KDM4C: variants seen among roughly 807,000 people sequenced by gnomAD.
The protein encoded by KDM4C is lysine demethylase 4C.
Under a neutral mutation model 129.3 loss-of-function variants are expected in KDM4C, and 81 were observed. The ratio of observed to expected loss-of-function variants is 0.63; its 90% CI spans 0.52 to 0.75. The LOEUF is 0.75. KDM4C is among the 30% of genes least tolerant of loss of function. The probability of loss-of-function intolerance (pLI) is 0.00; values close to 1 mark genes in which losing one functional copy is unlikely to be tolerated. For missense variants in KDM4C, 1,457 were observed against 1,304.0 expected (o/e 1.12, Z -1.81); for synonymous variants, 573 against 456.1 (o/e 1.26, Z -3.26).
chr9:7,021,404 C>G (rs932412380), intron 15 of KDM4C, among the ~76,000 whole-genome samples: 1 of 152,106 alleles, frequency 6.6e-6, no homozygotes, highest in African/African-American at 2.4e-5. Flanking sequence ...GTCGGCCTCC[C>G]AAAGTGCTGG....
At chr9:7,097,240 G>A (rs556754326) in intron 17 of KDM4C, among the ~76,000 whole-genome samples, 6 of 152,314 alleles carry the variant, frequency 3.9e-5, no homozygotes, top group Admixed American at 2.0e-4. Flanking sequence ...CTCAGCCAGC[G>A]TGCAGCATGT....
At position 6,735,333 on chromosome 9, in the gene KDM4C, T is replaced by G. The variant is rs116279058; in HGVS notation, c.49+14336T>G. Among the ~76,000 whole-genome samples the G allele has an allele frequency of 9.5e-3, 1,449 of 152,356 alleles. 22 individuals carry two copies. Among genetic ancestry groups the G allele is most frequent in the African/African-American group, 0.033 (1,379 of 41,584 alleles). On this transcript the variant is annotated intron_variant, in intron 1 of 17. Coordinates refer to the KDM4C transcript ENST00000536108. Reference sequence around the variant, plus strand: ...GTATTGCTATCAGTATTAAACTGCCTGAATCTAAAAAGGGCTTGTTGTTTC... The same window carrying G: ...GTATTGCTATCAGTATTAAACTGCCGGAATCTAAAAAGGGCTTGTTGTTTC...
At chr9:6,828,169 A>G (rs1286094194) in intron 4 of KDM4C, among the ~76,000 whole-genome samples, 2 of 151,512 alleles carry the variant, frequency 1.3e-5, no homozygotes, top group Non-Finnish European at 2.9e-5. Flanking sequence ...TTTTTTTGAG[A>G]CGGAGCCTCG....
At position 6,990,543 on chromosome 9, in the gene KDM4C, T is replaced by G; in HGVS notation, c.1786+19T>G. On this transcript the variant is annotated intron_variant, in intron 12 of 21. Transcript: ENST00000381309. ...GATGAAGGTGAGATGGTGACCCTTT[T>G]TGGGATTTTTTTTTTTTTTTTTGGT... 1 of 1,450,008 alleles carries G rather than the reference T, an allele frequency of 6.9e-7. No individual in the cohort carries two copies. 89.8% of individuals were successfully genotyped at this position (1,450,008 alleles called of 1,614,324 possible). A position where few individuals can be genotyped will look rare whatever the true frequency, so the allele number is the denominator to read the frequency against.
chr9:6,745,699 C>T (rs998193036), intron 1 of KDM4C, among the ~76,000 whole-genome samples: 4 of 151,636 alleles, frequency 2.6e-5, no homozygotes, highest in African/African-American at 9.7e-5. Context: ...GGTGCAGTGG[C>T]GTGATCTTGG....
chr9:6,748,509 GAA>G (rs371679611), intron 1 of KDM4C, among the ~76,000 whole-genome samples: 5 of 117,858 alleles, frequency 4.2e-5, no homozygotes, highest in Admixed American at 2.5e-4. Flanking sequence ...CTCCGTCTCA[GAA>G]AAAAAAAAAA....
At chr9:7,018,292 A>G (rs182427278) in intron 15 of KDM4C, among the ~76,000 whole-genome samples, 4 of 152,344 alleles carry the variant, frequency 2.6e-5, no homozygotes, top group Non-Finnish European at 4.4e-5. Flanking sequence ...TAACAGCCTT[A>G]CAATCTTATG....
intron 19 of KDM4C, among the ~76,000 whole-genome samples, chr9:7,144,784 A>G (rs963278014): frequency 1.3e-5 from 2 of 152,242 alleles, no homozygotes; most frequent in African/African-American, 4.8e-5. Flanking sequence ...CACAGCCTCC[A>G]CACTGTAAGA....
At chr9:7,098,492 C>T (rs879669003) in intron 17 of KDM4C, among the ~76,000 whole-genome samples, 1 of 152,202 alleles carries the variant, frequency 6.6e-6, no homozygotes, top group South Asian at 2.1e-4. Flanking sequence ...GGAAGAGAGA[C>T]AGAGGACTTA....
At chr9:6,948,556 A>G (rs1827410480) in intron 8 of KDM4C, among the ~76,000 whole-genome samples, 1 of 145,564 alleles carries the variant, frequency 6.9e-6, no homozygotes, top group Admixed American at 7.0e-5. Context: ...GGGTCATAGG[A>G]CAATAGTGGA....
intron 1 of KDM4C, among the ~76,000 whole-genome samples, chr9:6,792,611 A>T (rs1036595911): frequency 6.6e-6 from 1 of 151,994 alleles, no homozygotes; most frequent in African/African-American, 2.4e-5. Context: ...CTGGTCTCGA[A>T]CTCCTGACCT....
intron 1 of KDM4C, among the ~76,000 whole-genome samples, chr9:6,736,682 CA>C (rs1817536984): frequency 6.6e-6 from 1 of 152,088 alleles, no homozygotes; most frequent in South Asian, 2.1e-4. Context: ...TAAAAAACCC[CA>C]AAGGCTCTGT....
rs749606368 is a variant in KDM4C, at chr9:6,984,267, T to G, written c.1217T>G (p.Val406Gly). 6 of 1,613,874 alleles carry G rather than the reference T, an allele frequency of 3.7e-6. No homozygotes were observed. In the East Asian group the frequency reaches 1.1e-4, roughly 30 times the overall value. Residue 406 changes from valine to glycine, a missense_variant, in exon 10 of 22, where the codon GTC (valine) becomes GGC (glycine). Val to Gly is a moderately radical substitution (Grantham distance 109). Coordinates refer to ENST00000381309, the MANE Select transcript of KDM4C (RefSeq NM_015061.6). The stretch of plus-strand genomic sequence containing the variant: ...GCAGAGGTCCCTAACCCCGACTCAG[T>G]CACAGATGACCTCAAGGTCAGTGAA... ...DGAEVPNPDSVTDDLKVSEKS... is the reference protein window; with the variant it reads ...DGAEVPNPDSGTDDLKVSEKS...
At chr9:6,887,170 A>G (rs1845438204) in intron 6 of KDM4C, among the ~76,000 whole-genome samples, 1 of 151,908 alleles carries the variant, frequency 6.6e-6, no homozygotes, top group Admixed American at 6.6e-5. Flanking sequence ...CTTCCCTCTG[A>G]GTGAGGAAGG....
intron 19 of KDM4C, among the ~76,000 whole-genome samples, chr9:7,143,711 A>G (rs1453424136): frequency 1.3e-5 from 2 of 152,238 alleles, no homozygotes; most frequent in Non-Finnish European, 2.9e-5. Context: ...CAACAACACA[A>G]GAATCATTTG....
intron 8 of KDM4C, among the ~76,000 whole-genome samples, chr9:6,967,269 C>G (rs1407454368): frequency 6.6e-6 from 1 of 151,736 alleles, no homozygotes; most frequent in African/African-American, 2.4e-5. Context: ...ATTAAAAATA[C>G]AAATATTAGC....
At chr9:6,785,172 C>T (rs1412610620) in intron 1 of KDM4C, among the ~76,000 whole-genome samples, 4 of 152,144 alleles carry the variant, frequency 2.6e-5, no homozygotes, top group South Asian at 2.1e-4. Flanking sequence ...TTGGCAGGAC[C>T]GTGTTTTCTC....
In KDM4C at chr9:6,758,178, T is replaced by C. The variant is rs1818630163; in HGVS notation, c.-43T>C. 2 of 985,934 alleles carry C rather than the reference T, an allele frequency of 2.0e-6. No homozygotes were observed. Among genetic ancestry groups the C allele is most frequent in the Non-Finnish European group, 2.4e-6 (2 of 830,488 alleles). The allele number at this position is 985,934 out of a possible 1,614,324, so 61.1% of individuals were successfully genotyped here. A position where few individuals can be genotyped will look rare whatever the true frequency, so the allele number is the denominator to read the frequency against. Reference sequence around the variant, plus strand: ...CTTCTCTTCCTCCTCCACCGAGTCGTGCTCTCGCCCCAACCCGCGCGCCAG... The same window carrying C: ...CTTCTCTTCCTCCTCCACCGAGTCGCGCTCTCGCCCCAACCCGCGCGCCAG... On this transcript the variant is annotated 5_prime_UTR_variant, in exon 1 of 22. Transcript: ENST00000381309. This position sits in a 1 kb window ranked among gnomAD's most constrained non-coding sequence, Gnocchi z 4.6.
intron 8 of KDM4C, among the ~76,000 whole-genome samples, chr9:6,901,537 G>C (rs1213264091): frequency 6.6e-6 from 1 of 152,160 alleles, no homozygotes; most frequent in Non-Finnish European, 1.5e-5. Flanking sequence ...CAGGAAGCGA[G>C]ACAGTGTGAG....
Sources: gnomAD v4.1 joint callset for allele counts (sites outside exome capture counted in the v4.1 genomes callset) on GRCh38, gnomAD v4.1.1 for gene constraint, Gnocchi (gnomAD v3.1) non-coding constraint, MANE v1.5 for transcripts, NCBI Gene and HGNC (gene_info 2026-07-23, HGNC 2026-07-21) for gene names.